The following LRFN5 variants were observed in gnomAD, a reference collection of about 807,000 sequenced individuals.
The protein encoded by LRFN5 is leucine rich repeat and fibronectin type III domain containing 5.
In LRFN5, 24 loss-of-function variants were observed where a neutral mutation model predicts 45.6. The ratio of observed to expected loss-of-function variants is 0.53; its 90% CI spans 0.38 to 0.74. The LOEUF (loss-of-function observed/expected upper bound fraction) is 0.74. Among genes scored for constraint, LRFN5 ranks in the 30% least tolerant of loss-of-function variants. The pLI is 0.00. For synonymous variants in LRFN5, 340 were observed against 313.8 expected (o/e 1.08, Z -0.88); for missense variants, 776 against 861.5 (o/e 0.90, Z 1.24).
At chr14:41,757,630 A>T (rs1439335221) in intron 1 of LRFN5, among the ~76,000 whole-genome samples, 1 of 152,146 alleles carries the variant, frequency 6.6e-6, no homozygotes, top group Non-Finnish European at 1.5e-5. Context: ...GGTGGGAGTG[A>T]CCCAATTTTC....
intron 2 of LRFN5, among the ~76,000 whole-genome samples, chr14:41,773,485 C>T (rs1886163154): frequency 6.6e-6 from 1 of 152,154 alleles, no homozygotes; most frequent in Non-Finnish European, 1.5e-5. Context: ...ATCAATTTTG[C>T]TCAACATTAA....
chr14:41,722,550 A>G (rs1320144321), intron 1 of LRFN5, among the ~76,000 whole-genome samples: 2 of 145,816 alleles, frequency 1.4e-5, no homozygotes, highest in East Asian at 2.0e-4. Context: ...TTCTCTCCCT[A>G]TAATAAAATA....
chr14:41,898,356 C>T (rs962670914), intron 4 of LRFN5, among the ~76,000 whole-genome samples: 4 of 151,886 alleles, frequency 2.6e-5, no homozygotes, highest in African/African-American at 9.7e-5. Flanking sequence ...GAAGGTTGTT[C>T]GTATTTAGAA....
In LRFN5 at chr14:41,856,675, A is replaced by ATTATTATTATTATTATTT; in HGVS notation, c.-20-29929_-20-29928insATTATTATTATTATTTTT. Among the ~76,000 whole-genome samples, 2 of 18,338 alleles carry ATTATTATTATTATTATTT rather than the reference A, an allele frequency of 1.1e-4. 1 individual carries two copies. The highest frequency in any genetic ancestry group is 2.6e-4 in the African/African-American group (2 of 7,822). The allele number at this position is 18,338 out of a possible 152,430, so 12.0% of individuals were successfully genotyped here. On this transcript the variant is annotated intron_variant, in intron 2 of 5. Coordinates refer to ENST00000298119, the MANE Select transcript of LRFN5 (RefSeq NM_152447.5). The stretch of plus-strand genomic sequence containing the variant: ...TTCTTTCCTAATTATTATTATTATT[A>ATTATTATTATTATTATTT]TTTTTTTTTTTTTTTTTTTGAGACG...
At chr14:41,846,884 G>T (rs539000602) in intron 2 of LRFN5, among the ~76,000 whole-genome samples, 1 of 152,042 alleles carries the variant, frequency 6.6e-6, no homozygotes, top group Non-Finnish European at 1.5e-5. Context: ...CATATTCTTG[G>T]TCTATGGCCC....
chr14:41,734,316 T>TTATATACATATATATATATATATATA (rs1884316906), intron 1 of LRFN5, among the ~76,000 whole-genome samples: 1 of 38,768 alleles, frequency 2.6e-5, no homozygotes, highest in African/African-American at 5.3e-5. Flanking sequence ...TGGACTGGTT[T>TTATATACATATATATATATATATATA]TATATATATA....
intron 1 of LRFN5, among the ~76,000 whole-genome samples, chr14:41,688,696 A>C (rs74619708): frequency 1.4e-5 from 2 of 139,200 alleles, no homozygotes; most frequent in African/African-American, 6.8e-5. Context: ...CAAAACAAAA[A>C]AAACCATGAG....
intron 1 of LRFN5, among the ~76,000 whole-genome samples, chr14:41,671,664 T>C (rs1881240609): frequency 7.0e-6 from 1 of 142,772 alleles, no homozygotes; most frequent in South Asian, 2.3e-4. Flanking sequence ...TTGCCCAGGC[T>C]GGAGTGCAAT....
At chr14:41,884,524 G>A (rs1890496993) in intron 2 of LRFN5, among the ~76,000 whole-genome samples, 2 of 152,116 alleles carry the variant, frequency 1.3e-5, no homozygotes, top group South Asian at 4.1e-4. Flanking sequence ...TGAGATACGG[G>A]GTTTGATTAG....
intron 2 of LRFN5, among the ~76,000 whole-genome samples, chr14:41,838,584 G>C (rs748106464): frequency 1.3e-4 from 20 of 152,106 alleles, no homozygotes; most frequent in Non-Finnish European, 2.8e-4. Context: ...GTCTCTCCCT[G>C]TTCTCCTTGA....
intron 2 of LRFN5, among the ~76,000 whole-genome samples, chr14:41,807,281 T>C (rs1270521067): frequency 2.0e-5 from 3 of 152,138 alleles, no homozygotes; most frequent in African/African-American, 2.4e-5. Context: ...AACTTTTTTT[T>C]TAGCTCAACA....
intron 2 of LRFN5, among the ~76,000 whole-genome samples, chr14:41,851,640 C>T (rs1468043780): frequency 6.6e-6 from 1 of 151,672 alleles, no homozygotes; most frequent in Non-Finnish European, 1.5e-5. Flanking sequence ...CTGTTCAAAA[C>T]AAGGTTATTT....
intron 5 of LRFN5, among the ~76,000 whole-genome samples, chr14:41,902,641 T>C (rs1192218901): frequency 6.6e-6 from 1 of 151,852 alleles, no homozygotes; most frequent in East Asian, 1.9e-4. Context: ...GCTTACAAAA[T>C]CATTAACTTG....
chr14:41,805,913 T>C (rs1887510466), intron 2 of LRFN5, among the ~76,000 whole-genome samples: 1 of 152,086 alleles, frequency 6.6e-6, no homozygotes, highest in African/African-American at 2.4e-5. Context: ...ATGAGGAATC[T>C]TGGTCACACG....
At chr14:41,666,946 C>T (rs994852096) in intron 1 of LRFN5, among the ~76,000 whole-genome samples, 32 of 152,124 alleles carry the variant, frequency 2.1e-4, no homozygotes, top group African/African-American at 6.8e-4. Context: ...AGAATAAGAA[C>T]ATAATGATTA....
chr14:41,708,556 C>G (rs1284578170), intron 1 of LRFN5, among the ~76,000 whole-genome samples: 1 of 151,920 alleles, frequency 6.6e-6, no homozygotes, highest in African/African-American at 2.4e-5. Flanking sequence ...TTCTTCTAAT[C>G]AAGATTCAAA....
chr14:41,641,655 G>A (rs778925322), intron 1 of LRFN5, among the ~76,000 whole-genome samples: 1 of 151,948 alleles, frequency 6.6e-6, no homozygotes, highest in Non-Finnish European at 1.5e-5. Flanking sequence ...TAAATATAAT[G>A]CCACAGTAAT....
chr14:41,757,064 G>A (rs986147165), intron 1 of LRFN5, among the ~76,000 whole-genome samples: 1 of 152,222 alleles, frequency 6.6e-6, no homozygotes, highest in Admixed American at 6.5e-5. Flanking sequence ...AGAGGCTGCA[G>A]AACAGAGGAT....
At chr14:41,871,299 A>T (rs1890010587) in intron 2 of LRFN5, among the ~76,000 whole-genome samples, 1 of 152,172 alleles carries the variant, frequency 6.6e-6, no homozygotes, top group Admixed American at 6.5e-5. Flanking sequence ...ACATACTCCC[A>T]GATTTAGGCC....
Sources: gnomAD v4.1 joint callset for allele counts (sites outside exome capture counted in the v4.1 genomes callset) on GRCh38, gnomAD v4.1.1 for gene constraint, MANE v1.5 for transcripts, NCBI Gene and HGNC (gene_info 2026-07-23, HGNC 2026-07-21) for gene names.